The following ARHGAP29 variants were observed in gnomAD, a reference collection of about 807,000 sequenced individuals.
The protein encoded by ARHGAP29 is Rho GTPase activating protein 29, also known as rho GTPase-activating protein 29.
A neutral mutation model predicts 122.6 loss-of-function variants in ARHGAP29; 43 were observed. That is an observed-to-expected ratio of 0.35 (90% confidence interval 0.27 to 0.45). The LOEUF is 0.45. Ranked by LOEUF, ARHGAP29 falls within the 20% of genes least tolerant of loss-of-function variation. The pLI, the probability that ARHGAP29 is intolerant of heterozygous loss-of-function variation, is 1.00. For missense variants in ARHGAP29, 1,303 were observed against 1,477.2 expected (o/e 0.88, Z 1.93); for synonymous variants, 506 against 497.1 (o/e 1.02, Z -0.24).
At chr1:94,237,737 G>T (rs1288874494), upstream of ARHGAP29, 3 of 985,378 alleles carry the variant, frequency 3.0e-6, no homozygotes, top group Non-Finnish European at 3.6e-6. Context: ...CGCAGAACGC[G>T]ACCGTCAGTT....
At chr1:94,277,304 G>A (rs181635530), upstream of ARHGAP29, among the ~76,000 whole-genome samples, 4 of 152,292 alleles carry the variant, frequency 2.6e-5, no homozygotes, top group East Asian at 3.9e-4. Context: ...TTAAAGATGA[G>A]TTAAATATGC....
the ARHGAP29 span, among the ~76,000 whole-genome samples, chr1:94,294,996 T>G: frequency 2.0e-5 from 3 of 152,148 alleles, no homozygotes; most frequent in African/African-American, 7.2e-5. Context: ...TGAAAGATAT[T>G]GGAGTGAATT....
the ARHGAP29 span, among the ~76,000 whole-genome samples, chr1:94,311,342 A>G: frequency 6.6e-6 from 1 of 152,142 alleles, no homozygotes; most frequent in Non-Finnish European, 1.5e-5. Flanking sequence ...AAAACTCCCA[A>G]TGGAATCAAC....
In ARHGAP29 at chr1:94,172,956, A is replaced by C. The variant is rs577036340; in HGVS notation, c.*913T>G. Reference sequence around the variant, plus strand: ...CCAGGTAGAACAAGTACATAAAATGATTCCTAAGTCAAAACATTTCATACA... The same window carrying C: ...CCAGGTAGAACAAGTACATAAAATGCTTCCTAAGTCAAAACATTTCATACA... On this transcript the variant is annotated 3_prime_UTR_variant, in exon 23 of 23. Coordinates refer to ENST00000260526, the MANE Select transcript of ARHGAP29 (RefSeq NM_004815.4). The C allele has an allele frequency of 6.6e-6, 1 of 152,632 alleles. No homozygotes were observed. The highest frequency in any genetic ancestry group is 1.9e-4 in the East Asian group (1 of 5,178). The allele number at this position is 152,632 out of a possible 1,614,324, so 9.5% of individuals were successfully genotyped here.
chr1:94,289,441 G>C, the ARHGAP29 span, among the ~76,000 whole-genome samples: 2 of 152,108 alleles, frequency 1.3e-5, no homozygotes, highest in Non-Finnish European at 2.9e-5. Context: ...GCAAAGGCAG[G>C]GACAGTTTGA....
In ARHGAP29 at chr1:94,237,405, T is replaced by C; in HGVS notation, c.-33+10A>G. 4 of 986,014 alleles carry C rather than the reference T, an allele frequency of 4.1e-6. No homozygotes were observed. Among genetic ancestry groups the C allele is most frequent in the Non-Finnish European group, 4.8e-6 (4 of 830,460 alleles). 61.1% of individuals were successfully genotyped at this position (986,014 alleles called of 1,614,324 possible). A position where few individuals can be genotyped will look rare whatever the true frequency, so the allele number is the denominator to read the frequency against. ...CGCGGCCGGAGCAAGCGCCACCTCC[T>C]CACACTCACCACGGCGCTCCATCTC... On this transcript the variant is annotated intron_variant, in intron 1 of 22. Transcript: ENST00000260526.
intron 3 of ARHGAP29, among the ~76,000 whole-genome samples, chr1:94,212,017 G>T (rs565292246): frequency 6.6e-6 from 1 of 152,030 alleles, no homozygotes; most frequent in African/African-American, 2.4e-5. Flanking sequence ...AAATTAAAAA[G>T]TATTCTGACC....
chr1:94,247,122 C>CAA (rs1653834798), intron 1 of ARHGAP29, among the ~76,000 whole-genome samples: 2 of 152,098 alleles, frequency 1.3e-5, no homozygotes, highest in South Asian at 4.1e-4. Flanking sequence ...TTGCATGTGT[C>CAA]AGACTGAAAT....
intron 4 of ARHGAP29, 28 bp from the exon 5 acceptor site, chr1:94,208,932 A>G: frequency 1.3e-6 from 2 of 1,588,254 alleles, no homozygotes; most frequent in Non-Finnish European, 1.7e-6. Context: ...AAAAAGAAAG[A>G]CAAGTCATTA....
At chr1:94,253,636 A>ACACGCACG (rs66700832) in intron 1 of ARHGAP29, among the ~76,000 whole-genome samples, 28,167 of 149,242 alleles carry the variant, frequency 0.19, 2,789 homozygotes, top group Admixed American at 0.26. Flanking sequence ...TCTGGAACAC[A>ACACGCACG]CACGCACGCA....
At position 94,214,996 on chromosome 1, in the gene ARHGAP29, A is replaced by AT. The variant is rs1651867792; in HGVS notation, c.340+5261dup. ...TGATTTTTCTTTTCTATTCTCTTTC[A>AT]TTTTTTAAAAATGCTGGTCACAATC... On this transcript the variant is annotated intron_variant, in intron 3 of 22. Coordinates refer to ENST00000260526, the MANE Select transcript of ARHGAP29 (RefSeq NM_004815.4). Among the ~76,000 whole-genome samples the AT allele has an allele frequency of 2.6e-5, 4 of 151,668 alleles. No homozygotes were observed. The South Asian group carries it at 8.3e-4, about 31-fold the overall frequency.
At chr1:94,185,096 T>TA in intron 17 of ARHGAP29, 36 bp from the exon 18 acceptor site, 1 of 1,568,170 alleles carries the variant, frequency 6.4e-7, no homozygotes, top group Non-Finnish European at 8.7e-7. Flanking sequence ...TGGTTAACCT[T>TA]AAAACTATTC....
chr1:94,177,799 A>C lies in ARHGAP29; in HGVS notation c.2796+53T>G, dbSNP rs971367990. 40 of 1,546,136 alleles carry C rather than the reference A, an allele frequency of 2.6e-5. No homozygotes were observed. The Admixed American group carries it at 7.2e-4, about 28-fold the overall frequency. ...TAAACAGTTCAAAGATCTTTAACTTATTAACATAAATATTACAAAGTTCTA... is the reference window on the plus strand; with the variant it reads ...TAAACAGTTCAAAGATCTTTAACTTCTTAACATAAATATTACAAAGTTCTA... On this transcript the variant is annotated intron_variant, in intron 21 of 22. Coordinates refer to ENST00000260526, the MANE Select transcript of ARHGAP29 (RefSeq NM_004815.4).
intron 3 of ARHGAP29, among the ~76,000 whole-genome samples, chr1:94,215,104 G>GAAAAAAAAAAAAAAGAAAAAA (rs1651875186): frequency 1.2e-5 from 1 of 83,654 alleles, no homozygotes; most frequent in Non-Finnish European, 2.8e-5. Context: ...GCATGAAAAG[G>GAAAAAAAAAAAAAAGAAAAAA]AAAAAAAAAA....
intron 1 of ARHGAP29, among the ~76,000 whole-genome samples, chr1:94,273,650 G>T (rs1284051397): frequency 1.3e-5 from 2 of 152,152 alleles, no homozygotes; most frequent in East Asian, 3.9e-4. Flanking sequence ...CGTCTATTAT[G>T]ACTGAAGCTT....
chr1:94,251,232 G>A (rs934304332), intron 1 of ARHGAP29, among the ~76,000 whole-genome samples: 1 of 149,498 alleles, frequency 6.7e-6, no homozygotes, highest in South Asian at 2.1e-4. Flanking sequence ...GTGCAGTGGC[G>A]CAATCTTGGC....
chr1:94,193,291 T>G (rs1650237827), intron 12 of ARHGAP29: 1 of 149,282 alleles, frequency 6.7e-6, no homozygotes, highest in Non-Finnish European at 1.5e-5. Context: ...ACAGAGGACC[T>G]CCAGAACTGC....
upstream of ARHGAP29, among the ~76,000 whole-genome samples, chr1:94,241,353 C>T (rs376680594): frequency 2.3e-4 from 35 of 152,268 alleles, no homozygotes; most frequent in South Asian, 1.5e-3. Context: ...CGGTGGCTCA[C>T]GCCTGTAATC....
chr1:94,295,715 A>ATT, the ARHGAP29 span, among the ~76,000 whole-genome samples: 3 of 152,204 alleles, frequency 2.0e-5, no homozygotes, highest in African/African-American at 4.8e-5. Flanking sequence ...TGGAATTCTA[A>ATT]CTCCACACAA....
Sources: allele counts gnomAD v4.1 joint callset (sites outside exome capture counted in the v4.1 genomes callset), GRCh38; gene constraint gnomAD v4.1.1; transcripts MANE v1.5; gene names NCBI Gene and HGNC (gene_info 2026-07-23, HGNC 2026-07-21).